Variants in TRPM3 observed in about 807,000 individuals in gnomAD.
TRPM3 encodes the protein long transient receptor potential channel 3.
In TRPM3, 77 loss-of-function variants were observed where a neutral mutation model predicts 181.2. That is an observed-to-expected ratio of 0.42 (90% CI 0.35 to 0.51). TRPM3 has a LOEUF of 0.51. TRPM3 is among the 20% of genes least tolerant of loss of function. The pLI is 0.01. For synonymous variants in TRPM3, 745 were observed against 796.4 expected (o/e 0.94, Z 1.09); for missense variants, 1,759 against 2,196.7 (o/e 0.80, Z 3.98).
intron 1 of TRPM3, among the ~76,000 whole-genome samples, chr9:71,312,670 A>T (rs2088082101): frequency 6.6e-6 from 1 of 152,204 alleles, no homozygotes; most frequent in Admixed American, 6.6e-5. Flanking sequence ...TTCAGTAGAT[A>T]AATGGCTAAA....
rs1563912691 is a variant in TRPM3, at chr9:71,421,001, G to GAGAGAGAAAA, written c.183+25651_183+25652insTTTTCTCTCT. Among the ~76,000 whole-genome samples the GAGAGAGAAAA allele has an allele frequency of 5.7e-5, 7 of 123,096 alleles. 1 individual carries two copies. Among genetic ancestry groups the GAGAGAGAAAA allele is most frequent in the East Asian group, 4.1e-4 (2 of 4,846 alleles). The allele number at this position is 123,096 out of a possible 152,430, so 80.8% of individuals were successfully genotyped here. ...AGAGAGAGAAAAAGAGAGAGAAAAA[G>GAGAGAGAAAA]AGAGAAAAAGAGAGAAAAAGAGAGA... On this transcript the variant is annotated intron_variant, in intron 1 of 24. Coordinates refer to the TRPM3 transcript ENST00000357533.
At chr9:70,571,670 A>G (rs950477543) in intron 22 of TRPM3, among the ~76,000 whole-genome samples, 4 of 152,162 alleles carry the variant, frequency 2.6e-5, no homozygotes, top group South Asian at 4.1e-4. Context: ...TAGGGGCAAC[A>G]ATCCTATCTT....
chr9:70,970,619 G>A (rs1394828366), intron 1 of TRPM3, among the ~76,000 whole-genome samples: 2 of 151,906 alleles, frequency 1.3e-5, no homozygotes, highest in African/African-American at 2.4e-5. Context: ...AATAACATTT[G>A]CCCATTATCT....
intron 1 of TRPM3, among the ~76,000 whole-genome samples, chr9:70,981,757 A>G (rs1468537411): frequency 6.6e-6 from 1 of 152,224 alleles, no homozygotes; most frequent in African/African-American, 2.4e-5. Flanking sequence ...TGCAAGGATG[A>G]TAACATCTTT....
rs138354795 is a variant in TRPM3, at chr9:71,082,161, C to T, written c.177+39017G>A. On this transcript the variant is annotated intron_variant, in intron 1 of 25. Transcript: ENST00000677713. ...GTCGAATACTCTCAACTGACCCCAG[C>T]GCCAATCTCAAATCTTGTAGGAATA... is the stretch of plus-strand genomic sequence containing the variant. Among the ~76,000 whole-genome samples, 973 of 152,212 alleles carry T rather than the reference C, an allele frequency of 6.4e-3. 6 individuals carry two copies. Among genetic ancestry groups the T allele is most frequent in the Non-Finnish European group, 8.5e-3 (581 of 68,012 alleles).
chr9:71,134,699 G>A (rs1565262411), intron 1 of TRPM3, among the ~76,000 whole-genome samples: 1 of 152,190 alleles, frequency 6.6e-6, no homozygotes, highest in Admixed American at 6.5e-5. Context: ...CTGCCACAAA[G>A]TTGACTGGCA....
At chr9:70,627,749 A>G (rs1377160930) in intron 12 of TRPM3, among the ~76,000 whole-genome samples, 2 of 152,132 alleles carry the variant, frequency 1.3e-5, no homozygotes, top group Non-Finnish European at 2.9e-5. Context: ...ATTTTGAGAC[A>G]CAGACCCCTT....
intron 1 of TRPM3, among the ~76,000 whole-genome samples, chr9:71,336,178 C>T (rs970853646): frequency 7.1e-6 from 1 of 140,728 alleles, no homozygotes; most frequent in Non-Finnish European, 1.5e-5. Context: ...ACAAACTGTC[C>T]GAAAAAAAAA....
chr9:70,890,244 A>G (rs1331252206), intron 1 of TRPM3, among the ~76,000 whole-genome samples: 3 of 151,692 alleles, frequency 2.0e-5, no homozygotes, highest in Admixed American at 6.6e-5. Context: ...TATAACAAGA[A>G]AAACAAAAAC....
At chr9:71,049,917 T>C (rs1387066051) in intron 1 of TRPM3, among the ~76,000 whole-genome samples, 1 of 152,318 alleles carries the variant, frequency 6.6e-6, no homozygotes, top group Non-Finnish European at 1.5e-5. Flanking sequence ...AAATCTGCCA[T>C]ACAACACTGT....
At chr9:71,360,927 A>T (rs1203078881) in intron 1 of TRPM3, among the ~76,000 whole-genome samples, 1 of 152,204 alleles carries the variant, frequency 6.6e-6, no homozygotes, top group East Asian at 1.9e-4. Context: ...TGGTAGACAT[A>T]TGGCAGTTCA....
intron 22 of TRPM3, among the ~76,000 whole-genome samples, chr9:70,590,579 C>T (rs1418651060): frequency 1.3e-5 from 2 of 152,166 alleles, no homozygotes; most frequent in Non-Finnish European, 2.9e-5. Flanking sequence ...GATGTTTGCC[C>T]TTACTCTTGA....
chr9:70,587,499 C>T (rs898789249), intron 22 of TRPM3, among the ~76,000 whole-genome samples: 1 of 152,178 alleles, frequency 6.6e-6, no homozygotes, highest in Non-Finnish European at 1.5e-5. Context: ...CCTCACACAC[C>T]AGAATGCAGA....
intron 1 of TRPM3, among the ~76,000 whole-genome samples, chr9:71,313,937 T>G (rs922217170): frequency 1.3e-5 from 2 of 152,166 alleles, no homozygotes; most frequent in African/African-American, 4.8e-5. Context: ...GTTTAGAATT[T>G]TTTTGCATTT....
At chr9:70,850,978 A>G (rs2095204181) in intron 3 of TRPM3, among the ~76,000 whole-genome samples, 1 of 152,208 alleles carries the variant, frequency 6.6e-6, no homozygotes, top group Admixed American at 6.5e-5. Flanking sequence ...AAGTATAAAA[A>G]TACTCCTAAA....
chr9:70,599,845 A>C (rs539650515), intron 20 of TRPM3, among the ~76,000 whole-genome samples: 102 of 152,182 alleles, frequency 6.7e-4, no homozygotes, highest in Non-Finnish European at 9.0e-4. Flanking sequence ...TGTGTGTATG[A>C]GTATGTGTGT....
chr9:70,630,517 A>G (rs1263594062), intron 12 of TRPM3, among the ~76,000 whole-genome samples: 1 of 152,242 alleles, frequency 6.6e-6, no homozygotes, highest in East Asian at 1.9e-4. Flanking sequence ...GAAGGTGAGC[A>G]GTACCTCACA....
intron 12 of TRPM3, among the ~76,000 whole-genome samples, chr9:70,630,667 C>T (rs528615511): frequency 6.6e-6 from 1 of 152,288 alleles, no homozygotes; most frequent in South Asian, 2.1e-4. Flanking sequence ...CCTCCCCCTT[C>T]GGTAATGACT....
intron 25 of TRPM3, 109 bp from the exon 26 acceptor site, chr9:70,537,514 G>T: frequency 1.0e-6 from 1 of 966,530 alleles, no homozygotes. Context: ...TACCTTCAAT[G>T]GAAGACAGGT....
Sources: allele counts gnomAD v4.1 joint callset (sites outside exome capture counted in the v4.1 genomes callset), GRCh38; gene constraint gnomAD v4.1.1; transcripts MANE v1.5; gene names NCBI Gene and HGNC (gene_info 2026-07-23, HGNC 2026-07-21).